ERCC5: variants seen among roughly 807,000 people sequenced by gnomAD.
ERCC5 encodes DNA excision repair protein ERCC-5.
In ERCC5, 68 loss-of-function variants were observed where a neutral mutation model predicts 105.6. That is an observed-to-expected ratio of 0.64 (90% CI 0.53 to 0.79). The LOEUF (loss-of-function observed/expected upper bound fraction) is 0.79, where lower values mean the gene tolerates loss of function less well. ERCC5 is among the 30% of genes least tolerant of loss of function. ERCC5 has a pLI of 0.00. For missense variants in ERCC5, 1,373 were observed against 1,426.7 expected (o/e 0.96, Z 0.61); for synonymous variants, 546 against 526.2 (o/e 1.04, Z -0.51).
In ERCC5 at chr13:102,868,276, T is replaced by C; in HGVS notation, c.2678+19T>C. ...AATTCTCGTAAGGTCTTTTATTTCT[T>C]TAATTTGGATAATTGTGTAAATACC... On this transcript the variant is annotated intron_variant, in intron 12 of 14. Coordinates refer to ENST00000652225, the MANE Select transcript of ERCC5 (RefSeq NM_000123.4). 1 of 1,614,154 alleles carries C rather than the reference T, an allele frequency of 6.2e-7. No individual in the cohort carries two copies. The highest frequency in any genetic ancestry group is 8.5e-7 in the Non-Finnish European group (1 of 1,179,976).
intron 1 of ERCC5, among the ~76,000 whole-genome samples, chr13:102,848,195 C>T (rs1460128631): frequency 6.6e-6 from 1 of 152,144 alleles, no homozygotes; most frequent in Non-Finnish European, 1.5e-5. Context: ...ATAATAAACT[C>T]GTTTATGTCA....
chr13:102,866,760 T>A lies in ERCC5; in HGVS notation c.2448T>A (p.Phe816Leu). Residue 816 changes from phenylalanine (F) to leucine (L), a missense_variant, in exon 11 of 15, where the codon TTT becomes TTA. Physicochemically the swap from Phe to Leu is conservative, Grantham distance 22 (BLOSUM62 0). Around this residue, in one of 3 missense-constraint regions of ERCC5, gnomAD observed 1,004 missense variants for 1,059.7 expected, o/e 0.95. Coordinates refer to ENST00000652225, the MANE Select transcript of ERCC5 (RefSeq NM_000123.4). ...CTGATGACAGTGATATCTGGCTGTT[T>A]GGAGCGCGGCATGTCTATAGAAACT... ...TITDDSDIWL[F>L]GARHVYRNFF... 3 of 1,614,276 alleles carry A rather than the reference T, an allele frequency of 1.9e-6. No homozygotes were observed. The highest frequency in any genetic ancestry group is 2.5e-6 in the Non-Finnish European group (3 of 1,180,052).
chr13:102,870,769 G>A (rs990827663), intron 12 of ERCC5, among the ~76,000 whole-genome samples: 1 of 152,170 alleles, frequency 6.6e-6, no homozygotes, highest in African/African-American at 2.4e-5. Context: ...CTCCTGCATC[G>A]GTGAGGCGGA....
intron 1 of ERCC5, among the ~76,000 whole-genome samples, chr13:102,848,672 G>T (rs1465664790): frequency 6.6e-6 from 1 of 152,008 alleles, no homozygotes; most frequent in Admixed American, 6.5e-5. Flanking sequence ...TAACTTTTCT[G>T]TCCGCAGAAA....
At chr13:102,849,198 T>A (rs201368486) in intron 1 of ERCC5, 16 of 518,896 alleles carry the variant, frequency 3.1e-5, no homozygotes, top group Middle Eastern at 3.2e-4. Context: ...CTGAGATGTA[T>A]CTTTTATCCG....
At chr13:102,854,879 T>A (rs4150276) in intron 4 of ERCC5, among the ~76,000 whole-genome samples, 88,458 of 152,066 alleles carry the variant, frequency 0.58, 26,502 homozygotes, top group African/African-American at 0.66. Context: ...TGTGGACTCC[T>A]CTTCCTCTGT....
intron 8 of ERCC5, among the ~76,000 whole-genome samples, chr13:102,864,126 CCACACACACACACACACACA>C (rs10647676): frequency 7.1e-6 from 1 of 140,918 alleles, no homozygotes; most frequent in Non-Finnish European, 1.5e-5. Context: ...AGAGAATCAA[CCACACACACACACACACACA>C]CACACACACA....
At position 102,865,450 on chromosome 13, in the gene ERCC5, C is replaced by T. The variant is rs547622752; in HGVS notation, c.1955-217C>T. 123 of 548,718 alleles carry T rather than the reference C, an allele frequency of 2.2e-4. 1 individual carries two copies. Among genetic ancestry groups the T allele is most frequent in the South Asian group, 2.0e-3 (96 of 48,598 alleles). The allele number at this position is 548,718 out of a possible 1,614,324, so 34.0% of individuals were successfully genotyped here. On this transcript the variant is annotated intron_variant, in intron 8 of 14. Transcript: ENST00000652225. This position sits in a 1 kb window ranked among gnomAD's most constrained non-coding sequence, Gnocchi z 4.0. ...GAGTTTCCTACTTTCAAAGACAGTG[C>T]CAGTTTACCTAATTGAAAAGGCTTG...
chr13:102,868,788 G>T (rs1595388033), intron 12 of ERCC5, among the ~76,000 whole-genome samples: 1 of 152,352 alleles, frequency 6.6e-6, no homozygotes, highest in South Asian at 2.1e-4. Flanking sequence ...GACGTGTTCA[G>T]TGGTGAAGTC....
intron 12 of ERCC5, among the ~76,000 whole-genome samples, chr13:102,871,824 T>A (rs915846738): frequency 6.6e-6 from 1 of 152,190 alleles, no homozygotes; most frequent in African/African-American, 2.4e-5. Context: ...AGTTGTAACT[T>A]CTGTGGTATA....
intron 5 of ERCC5, among the ~76,000 whole-genome samples, chr13:102,856,696 T>C (rs1257947842): frequency 6.6e-6 from 1 of 152,182 alleles, no homozygotes; most frequent in Non-Finnish European, 1.5e-5. Flanking sequence ...ATGCAGCCAG[T>C]CTGTAGCTGG....
intron 13 of ERCC5, 49 bp from the exon 14 acceptor site, chr13:102,873,210 A>G: frequency 6.2e-7 from 1 of 1,611,044 alleles, no homozygotes; most frequent in Non-Finnish European, 8.5e-7. Flanking sequence ...TTTATTTGTC[A>G]CTTGTTTAAA....
At chr13:102,869,521 T>A (rs2140535719) in intron 12 of ERCC5, among the ~76,000 whole-genome samples, 1 of 152,314 alleles carries the variant, frequency 6.6e-6, no homozygotes, top group South Asian at 2.1e-4. Context: ...TGATTTTTTT[T>A]ATAAGAATGG....
Position 102,873,119 on chromosome 13 carries a change from C to T in ERCC5, c.2880-140C>T, listed in dbSNP as rs537319685. 5.5e-6 allele frequency: 5 copies of T among 914,530 alleles called. No individual in the cohort carries two copies. The South Asian group carries it at 7.6e-5, about 14-fold the overall frequency. 56.7% of individuals were successfully genotyped at this position (914,530 alleles called of 1,614,324 possible). On this transcript the variant is annotated intron_variant, in intron 13 of 14. Transcript: ENST00000652225. ...GAGTCATTTATTTTGTTAGTACTTT[C>T]TTTTAGCACTCTAATCTTTATAAAT...
chr13:102,871,070 CTCTG>C (rs1883014364), intron 12 of ERCC5, among the ~76,000 whole-genome samples: 1 of 152,220 alleles, frequency 6.6e-6, no homozygotes, highest in Non-Finnish European at 1.5e-5. Context: ...GGTGTCTTGT[CTCTG>C]TTCCATGTCG....
chr13:102,856,079 G>C lies in ERCC5; in HGVS notation c.495G>C (p.Trp165Cys), dbSNP rs1162631692. 1 of 1,613,906 alleles carries C rather than the reference G, an allele frequency of 6.2e-7. No homozygotes were observed. The highest frequency in any genetic ancestry group is 1.7e-4 in the Middle Eastern group (1 of 6,060). The change falls in exon 5 of 15, where the codon TGG becomes TGC. Residue 165 changes from tryptophan (W) to cysteine (C), a missense_variant. Transcript: ENST00000652225. Reference sequence around the variant, plus strand: ...CAGAAGAGGAAGATGAAAAAGAATGGCAAGAAAGAATGAATCAAAAACAAG... The same window carrying C: ...CAGAAGAGGAAGATGAAAAAGAATGCCAAGAAAGAATGAATCAAAAACAAG... ...HSSEEEDEKEWQERMNQKQAL... is the reference protein window; with the variant it reads ...HSSEEEDEKECQERMNQKQAL...
intron 1 of ERCC5, among the ~76,000 whole-genome samples, chr13:102,847,339 G>T (rs1882009081): frequency 6.8e-6 from 1 of 146,292 alleles, no homozygotes; most frequent in Non-Finnish European, 1.5e-5. Flanking sequence ...CTCAGAATCT[G>T]GTGATACCTT....
At chr13:102,870,872 G>C (rs1409991830) in intron 12 of ERCC5, among the ~76,000 whole-genome samples, 3 of 152,114 alleles carry the variant, frequency 2.0e-5, no homozygotes, top group Non-Finnish European at 4.4e-5. Flanking sequence ...GTTTTTTCAG[G>C]TTCCATTGAG....
At chr13:102,857,218 A>C (rs1372471912) in intron 5 of ERCC5, among the ~76,000 whole-genome samples, 1 of 152,152 alleles carries the variant, frequency 6.6e-6, no homozygotes, top group African/African-American at 2.4e-5. Flanking sequence ...CAGGTTGCGG[A>C]GGTGCTGTGC....
Sources: gnomAD v4.1 joint callset for allele counts (sites outside exome capture counted in the v4.1 genomes callset) on GRCh38, gnomAD v4.1.1 for gene constraint, gnomAD v4.1.1 regional missense constraint, Gnocchi (gnomAD v3.1) non-coding constraint, MANE v1.5 for transcripts, NCBI Gene and HGNC (gene_info 2026-07-23, HGNC 2026-07-21) for gene names.